Variants in DNAH5 observed in about 807,000 individuals in gnomAD.
The protein encoded by DNAH5 is dynein axonemal heavy chain 5.
A neutral mutation model predicts 518.2 loss-of-function variants in DNAH5; 372 were observed. That is an observed-to-expected ratio of 0.72 (90% CI 0.66 to 0.78). The LOEUF (loss-of-function observed/expected upper bound fraction) is 0.78, where lower values mean the gene tolerates loss of function less well. Among genes scored for constraint, DNAH5 ranks in the 30% least tolerant of loss-of-function variants. The pLI is 0.00. For synonymous variants in DNAH5, 2,039 were observed against 2,025.9 expected (o/e 1.01, Z -0.17); for missense variants, 5,523 against 5,687.0 (o/e 0.97, Z 0.93).
chr5:13,886,365 TCTC>T (rs1772438284), intron 17 of DNAH5, among the ~76,000 whole-genome samples: 1 of 152,046 alleles, frequency 6.6e-6, no homozygotes, highest in East Asian at 1.9e-4. Context: ...TACAGGCACT[TCTC>T]CACCAGTAGA....
At chr5:13,848,189 G>A (rs1482849211) in intron 31 of DNAH5, among the ~76,000 whole-genome samples, 1 of 152,040 alleles carries the variant, frequency 6.6e-6, no homozygotes, top group African/African-American at 2.4e-5. Flanking sequence ...ATTTTATAAG[G>A]GAGATCAACT....
At chr5:13,838,021 T>C (rs1764640183) in intron 35 of DNAH5, among the ~76,000 whole-genome samples, 2 of 152,118 alleles carry the variant, frequency 1.3e-5, no homozygotes, top group Non-Finnish European at 2.9e-5. Flanking sequence ...TTAATGAACA[T>C]TATTTCTAAT....
chr5:13,721,155 G>A lies in DNAH5; in HGVS notation c.12124C>T (p.Arg4042Trp), dbSNP rs768164911. The change falls in exon 71 of 79, where the codon CGG (arginine) becomes TGG (tryptophan). Residue 4042 changes from arginine (R) to tryptophan (W), a missense_variant. By Grantham distance (101) the Arg-to-Trp change is moderately radical. Transcript: ENST00000265104. The part of the protein sequence containing the change: ...LEKTWEESDP[R>W]TPLICLLSMG... Reference sequence around the variant, plus strand: ...GACAGGAGACAGATGAGTGGCGTCCGTGGATCAGATTCCTCCCACGTCTTC... The same window carrying A: ...GACAGGAGACAGATGAGTGGCGTCCATGGATCAGATTCCTCCCACGTCTTC... The A allele has an allele frequency of 3.8e-5, 62 of 1,613,966 alleles. No individual in the cohort carries two copies. Among genetic ancestry groups the A allele is most frequent in the Non-Finnish European group, 4.6e-5 (54 of 1,180,002 alleles).
At chr5:13,781,013 T>C (rs1343233497) in intron 52 of DNAH5, 54 bp from the exon 53 acceptor site, 1 of 1,594,518 alleles carries the variant, frequency 6.3e-7, no homozygotes, top group African/African-American at 1.3e-5. Context: ...ATGTTCTATT[T>C]TTCCTATTTA....
chr5:13,859,006 T>A (rs1768009370), intron 30 of DNAH5, among the ~76,000 whole-genome samples: 1 of 152,212 alleles, frequency 6.6e-6, no homozygotes, highest in Admixed American at 6.5e-5. Context: ...GGAGATTTTT[T>A]CTGCACATTT....
intron 1 of DNAH5, among the ~76,000 whole-genome samples, chr5:13,986,119 A>G (rs148213032): frequency 6.6e-6 from 1 of 152,322 alleles, no homozygotes; most frequent in African/African-American, 2.4e-5. Context: ...GTAAGTGCAA[A>G]AGCTGGACAC....
chr5:13,891,261 A>AT, intron 16 of DNAH5, 140 bp from the exon 17 acceptor site: 3 of 846,642 alleles, frequency 3.5e-6, no homozygotes, highest in Non-Finnish European at 5.8e-6. Flanking sequence ...ATCCCCACTG[A>AT]TTCACACTTG....
At chr5:13,706,920 C>T (rs1190503679) in intron 76 of DNAH5, among the ~76,000 whole-genome samples, 1 of 152,192 alleles carries the variant, frequency 6.6e-6, no homozygotes, top group Non-Finnish European at 1.5e-5. Flanking sequence ...GCGAAGGCTC[C>T]ACCCTCAGGC....
chr5:13,837,165 C>T (rs1324611014), intron 35 of DNAH5, among the ~76,000 whole-genome samples: 3 of 152,208 alleles, frequency 2.0e-5, no homozygotes, highest in African/African-American at 7.2e-5. Flanking sequence ...GACAGAACTA[C>T]AAAAAGAACA....
chr5:13,824,070 T>C, intron 39 of DNAH5, 129 bp downstream of exon 39: 2 of 980,728 alleles, frequency 2.0e-6, no homozygotes, highest in Non-Finnish European at 3.2e-6. Context: ...AGTGATGCTC[T>C]CCAGCACTTT....
chr5:13,801,544 T>G (rs1212905957), intron 47 of DNAH5, among the ~76,000 whole-genome samples: 2 of 152,242 alleles, frequency 1.3e-5, no homozygotes, highest in Non-Finnish European at 2.9e-5. Flanking sequence ...ATCCTTGTTC[T>G]GTTTCCTTTC....
intron 11 of DNAH5, 99 bp downstream of exon 11, chr5:13,913,644 A>T (rs1279001756): frequency 7.2e-7 from 1 of 1,394,834 alleles, no homozygotes; most frequent in Non-Finnish European, 9.9e-7. Flanking sequence ...TTTACTTTAC[A>T]GACTGATGAT....
chr5:13,805,837 T>C (rs1759497211), intron 47 of DNAH5, among the ~76,000 whole-genome samples: 1 of 152,222 alleles, frequency 6.6e-6, no homozygotes, highest in South Asian at 2.1e-4. Context: ...GCCTAATTTG[T>C]AGCCACTTGG....
intron 38 of DNAH5, among the ~76,000 whole-genome samples, chr5:13,826,030 A>G (rs1413838314): frequency 6.6e-6 from 1 of 152,210 alleles, no homozygotes; most frequent in African/African-American, 2.4e-5. Context: ...TAAAGATAAT[A>G]AAATAGAAAT....
At chr5:14,001,124 G>C (rs185059707) in intron 1 of DNAH5, among the ~76,000 whole-genome samples, 1 of 152,256 alleles carries the variant, frequency 6.6e-6, no homozygotes, top group East Asian at 1.9e-4. Context: ...GGGAACAACA[G>C]ACATGGAGGA....
chr5:13,960,856 C>T (rs1323547828), intron 1 of DNAH5, among the ~76,000 whole-genome samples: 1 of 152,216 alleles, frequency 6.6e-6, no homozygotes, highest in Non-Finnish European at 1.5e-5. Flanking sequence ...GTGCCCACTT[C>T]CATGGGGTCA....
intron 47 of DNAH5, among the ~76,000 whole-genome samples, chr5:13,797,574 G>A (rs1213040386): frequency 6.6e-6 from 1 of 152,146 alleles, no homozygotes; most frequent in Non-Finnish European, 1.5e-5. Context: ...GAAAGGATGT[G>A]GAGAAATAGG....
intron 42 of DNAH5, among the ~76,000 whole-genome samples, chr5:13,816,329 A>T (rs1365094674): frequency 6.6e-6 from 1 of 152,126 alleles, no homozygotes; most frequent in Non-Finnish European, 1.5e-5. Context: ...ATTCCTCTTA[A>T]TTTCTCAACT....
chr5:13,871,382 T>C (rs1464810290), intron 23 of DNAH5, among the ~76,000 whole-genome samples, 182 bp downstream of exon 23: 1 of 152,082 alleles, frequency 6.6e-6, no homozygotes, highest in African/African-American at 2.4e-5. Context: ...GTGTGCAAAA[T>C]AGTCCAGAAT....
Sources: allele counts gnomAD v4.1 joint callset (sites outside exome capture counted in the v4.1 genomes callset), GRCh38; gene constraint gnomAD v4.1.1; transcripts MANE v1.5; gene names NCBI Gene and HGNC (gene_info 2026-07-23, HGNC 2026-07-21).